Variants in ABCD2 observed in about 807,000 individuals in gnomAD.
ABCD2 encodes ATP binding cassette subfamily D member 2, also known as ATP-binding cassette sub-family D member 2.
ABCD2 carries 36 observed loss-of-function variants against 70.9 expected under a neutral mutation model. That is an observed-to-expected ratio of 0.51 (90% CI 0.39 to 0.67). The LOEUF is 0.67. Ranked by LOEUF, ABCD2 falls within the 30% of genes least tolerant of loss-of-function variation. The pLI, the probability that ABCD2 is intolerant of heterozygous loss-of-function variation, is 0.00. For missense variants in ABCD2, 729 were observed against 890.2 expected, an observed-to-expected ratio of 0.82 and a Z score of 2.30; for synonymous variants, 304 against 306.9, an observed-to-expected ratio of 0.99 and a Z score of 0.10.
At chr12:39,564,798 A>C (rs539912398) in intron 9 of ABCD2, among the ~76,000 whole-genome samples, 1 of 152,134 alleles carries the variant, frequency 6.6e-6, no homozygotes, top group Non-Finnish European at 1.5e-5. Context: ...TCTTGAATTA[A>C]TTTTTGTATA....
Position 39,573,305 on chromosome 12 carries a change from GT to G in ABCD2, c.2003+410del, listed in dbSNP as rs1330742922. ...TCCCCCCTTCCCCACCACCACCTGT[GT>G]TTTCTCCACTTAATCCTTTGGGGGA... On this transcript the variant is annotated intron_variant, in intron 9 of 9. Coordinates refer to ENST00000308666, the MANE Select transcript of ABCD2 (RefSeq NM_005164.4). Among the ~76,000 whole-genome samples, 58 of 151,940 alleles carry G rather than the reference GT, an allele frequency of 3.8e-4. 2 individuals carry two copies. Among genetic ancestry groups the G allele is most frequent in the Admixed American group, 3.8e-3 (58 of 15,264 alleles).
At chr12:39,558,625 G>A (rs1676782380) in intron 9 of ABCD2, among the ~76,000 whole-genome samples, 1 of 152,140 alleles carries the variant, frequency 6.6e-6, no homozygotes, top group South Asian at 2.1e-4. Context: ...TTCCTCCTGA[G>A]TTCATTCTCC....
chr12:39,560,000 G>A (rs949545159), intron 9 of ABCD2, among the ~76,000 whole-genome samples: 2 of 152,136 alleles, frequency 1.3e-5, no homozygotes, highest in African/African-American at 2.4e-5. Flanking sequence ...AAGGGGTTAT[G>A]TAAATCACTT....
intron 6 of ABCD2, among the ~76,000 whole-genome samples, chr12:39,592,672 T>C (rs1016181176): frequency 2.6e-5 from 4 of 152,170 alleles, no homozygotes; most frequent in African/African-American, 7.2e-5. Flanking sequence ...AGGTATAGAG[T>C]TCTGTGAGGA....
intron 6 of ABCD2, among the ~76,000 whole-genome samples, chr12:39,600,166 A>T (rs940791870): frequency 2.6e-5 from 4 of 152,210 alleles, no homozygotes; most frequent in Non-Finnish European, 2.9e-5. Flanking sequence ...CCTCAAATAT[A>T]AATGAACAAT....
intron 5 of ABCD2, among the ~76,000 whole-genome samples, chr12:39,603,516 T>C (rs1003238954): frequency 3.9e-5 from 6 of 152,086 alleles, no homozygotes; most frequent in Non-Finnish European, 7.4e-5. Flanking sequence ...TCACATAATG[T>C]ATATTGACAA....
At chr12:39,556,454 GTGTT>G (rs1941166993) in intron 9 of ABCD2, among the ~76,000 whole-genome samples, 2 of 152,086 alleles carry the variant, frequency 1.3e-5, no homozygotes, top group Non-Finnish European at 2.9e-5. Flanking sequence ...GGTTTTATAA[GTGTT>G]TGGTAGTTCC....
intron 2 of ABCD2, 30 bp from the exon 3 acceptor site, chr12:39,607,744 A>ATT: frequency 7.3e-4 from 575 of 788,000 alleles, no homozygotes; most frequent in Non-Finnish European, 9.4e-4. Flanking sequence ...ACAAAACTTG[A>ATT]GTTTTTTTTT....
intron 8 of ABCD2, among the ~76,000 whole-genome samples, chr12:39,575,115 A>C (rs1268604911): frequency 6.6e-6 from 1 of 152,242 alleles, no homozygotes; most frequent in East Asian, 1.9e-4. Flanking sequence ...AAGAGGAAGA[A>C]GTAAAGGAAG....
chr12:39,541,909 A>G, the ABCD2 span, among the ~76,000 whole-genome samples: 2 of 152,202 alleles, frequency 1.3e-5, no homozygotes, highest in Admixed American at 1.3e-4. Context: ...AAACAATATG[A>G]TCCTATCTGT....
At position 39,619,373 on chromosome 12, in the gene ABCD2, A is replaced by G; in HGVS notation, c.243T>C (p.Asn81=). Residue 81 remains asparagine, a synonymous_variant, in exon 1 of 10, where the codon AAT becomes AAC. Coordinates refer to ENST00000308666, the MANE Select transcript of ABCD2 (RefSeq NM_005164.4). ...CTAGTAGCTGTTTGAAGAAATCTGC[A>G]TTCACTCCAGGCGAAGGTTTTTCAC... ...TICEKPSPGV[N]ADFFKQLLEL... 1.9e-6 allele frequency: 3 copies of G among 1,613,942 alleles called. No individual in the cohort carries two copies. Among genetic ancestry groups the G allele is most frequent in the Non-Finnish European group, 2.5e-6 (3 of 1,179,998 alleles).
intron 7 of ABCD2, among the ~76,000 whole-genome samples, chr12:39,582,442 C>A (rs1941608400): frequency 6.6e-6 from 1 of 152,152 alleles, no homozygotes; most frequent in Admixed American, 6.5e-5. Flanking sequence ...TAGCCCATAA[C>A]AATTACGATT....
chr12:39,555,952 G>A (rs1461768636), intron 9 of ABCD2, among the ~76,000 whole-genome samples: 14 of 152,128 alleles, frequency 9.2e-5, no homozygotes, highest in Admixed American at 6.6e-4. Flanking sequence ...ATCCACCATC[G>A]TCCTGGGCTT....
At chr12:39,561,085 A>T (rs1254428550) in intron 9 of ABCD2, among the ~76,000 whole-genome samples, 1 of 152,166 alleles carries the variant, frequency 6.6e-6, no homozygotes, top group Non-Finnish European at 1.5e-5. Flanking sequence ...TAATGGATTA[A>T]GTTCTCCAAT....
chr12:39,532,846 T>C, the ABCD2 span, among the ~76,000 whole-genome samples: 13 of 152,148 alleles, frequency 8.5e-5, no homozygotes, highest in African/African-American at 2.9e-4. Flanking sequence ...AGTAAATAAA[T>C]TCTATACATG....
At chr12:39,534,202 C>T in the ABCD2 span, among the ~76,000 whole-genome samples, 1 of 152,140 alleles carries the variant, frequency 6.6e-6, no homozygotes, top group Admixed American at 6.6e-5. Flanking sequence ...TCCATCATGC[C>T]CCTGCCAGTC....
chr12:39,604,063 A>G (rs1941937704), intron 4 of ABCD2, 57 bp from the exon 5 acceptor site: 4 of 1,250,598 alleles, frequency 3.2e-6, no homozygotes, highest in Admixed American at 3.6e-5. Context: ...TGATTAAATA[A>G]CGTAAATTAT....
At chr12:39,533,174 AC>A in the ABCD2 span, among the ~76,000 whole-genome samples, 2 of 152,126 alleles carry the variant, frequency 1.3e-5, no homozygotes, top group East Asian at 3.9e-4. Context: ...TCAAAAAAAA[AC>A]AAAAACAAAA....
chr12:39,594,920 G>T (rs2120680891), intron 6 of ABCD2, among the ~76,000 whole-genome samples: 1 of 152,190 alleles, frequency 6.6e-6, no homozygotes, highest in African/African-American at 2.4e-5. Context: ...ATTAGCCCTG[G>T]CAAGGTAGGA....
Sources: allele counts gnomAD v4.1 joint callset (sites outside exome capture counted in the v4.1 genomes callset), GRCh38; gene constraint gnomAD v4.1.1; transcripts MANE v1.5; gene names NCBI Gene and HGNC (gene_info 2026-07-23, HGNC 2026-07-21).